SMURF1: variants seen among roughly 807,000 people sequenced by gnomAD.
SMURF1 encodes the protein E3 ubiquitin-protein ligase SMURF1.
A neutral mutation model predicts 98.0 loss-of-function variants in SMURF1; 44 were observed. The observed-to-expected ratio is 0.45, with a 90% CI of 0.35 to 0.58. The LOEUF is 0.58. Among genes scored for constraint, SMURF1 ranks in the 20% least tolerant of loss-of-function variants. The pLI, the probability that SMURF1 is intolerant of heterozygous loss-of-function variation, is 0.00. For synonymous variants in SMURF1, 396 were observed against 374.9 expected, an observed-to-expected ratio of 1.06 and a Z score of -0.65; for missense variants, 687 against 938.4, an observed-to-expected ratio of 0.73 and a Z score of 3.50.
intron 1 of SMURF1, among the ~76,000 whole-genome samples, chr7:99,104,157 G>A (rs77402635): frequency 0.066 from 10,020 of 152,182 alleles, 1,121 homozygotes; most frequent in African/African-American, 0.23. Context: ...AAAGTGCTGC[G>A]ATTATGGGCA....
Position 99,061,843 on chromosome 7 carries a change from A to G in SMURF1, c.56-6T>C. 1 of 1,599,954 alleles carries G rather than the reference A, an allele frequency of 6.3e-7. No individual in the cohort carries two copies. Among genetic ancestry groups the G allele is most frequent in the Non-Finnish European group, 8.5e-7 (1 of 1,173,462 alleles). Reference sequence around the variant, plus strand: ...AAGGTTCTTGGCACATAACACTAAAAACAAAGAAAAATTACTCAGGTTAGC... The same window carrying G: ...AAGGTTCTTGGCACATAACACTAAAGACAAAGAAAAATTACTCAGGTTAGC... On this transcript the variant is annotated splice_region_variant and splice_polypyrimidine_tract_variant and intron_variant, in intron 1 of 17. Transcript: ENST00000361368.
chr7:99,038,009 C>T (rs1273184783), intron 14 of SMURF1, among the ~76,000 whole-genome samples: 1 of 152,232 alleles, frequency 6.6e-6, no homozygotes, highest in Non-Finnish European at 1.5e-5. Flanking sequence ...TAGGCCTGAA[C>T]ACAGATCTGC....
chr7:99,129,157 T>C (rs1051068431), intron 1 of SMURF1, among the ~76,000 whole-genome samples: 5 of 152,240 alleles, frequency 3.3e-5, no homozygotes, highest in Admixed American at 6.5e-5. Context: ...TTTTTTCATA[T>C]GTTTTGAAAT....
intron 17 of SMURF1, chr7:99,031,548 T>G (rs1794890126): frequency 6.6e-6 from 1 of 152,250 alleles, no homozygotes. Context: ...CAGAGCATAC[T>G]TTCCACATCC....
At chr7:99,074,767 C>A (rs903628067) in intron 1 of SMURF1, among the ~76,000 whole-genome samples, 1 of 152,060 alleles carries the variant, frequency 6.6e-6, no homozygotes, top group African/African-American at 2.4e-5. Flanking sequence ...CAGCAGCTCA[C>A]AACTGTAATC....
chr7:99,097,385 A>C (rs1185088901), intron 1 of SMURF1, among the ~76,000 whole-genome samples: 4 of 152,200 alleles, frequency 2.6e-5, no homozygotes, highest in Non-Finnish European at 5.9e-5. Context: ...AAATGTTGGA[A>C]ACTTCATCTT....
intron 1 of SMURF1, among the ~76,000 whole-genome samples, chr7:99,103,353 G>A (rs1251694960): frequency 2.0e-5 from 3 of 151,970 alleles, no homozygotes; most frequent in African/African-American, 7.3e-5. Flanking sequence ...AGCAATTTCT[G>A]GAAAGTTATA....
At position 99,047,952 on chromosome 7, in the gene SMURF1, C is replaced by T. The variant is rs989068366; in HGVS notation, c.954-70G>A. The T allele has an allele frequency of 1.4e-4, 202 of 1,430,328 alleles. 1 individual carries two copies. The highest frequency in any genetic ancestry group is 1.9e-4 in the Non-Finnish European group (190 of 1,025,406). 88.6% of individuals were successfully genotyped at this position (1,430,328 alleles called of 1,614,324 possible). ...GGGGAGCTGCAAGCACCCACGTACG[C>T]GACAGGGTCAGAGGAGAGAGCTAGC... On this transcript the variant is annotated intron_variant, in intron 9 of 17. Transcript: ENST00000361368.
intron 1 of SMURF1, among the ~76,000 whole-genome samples, chr7:99,080,050 G>T (rs1024087122): frequency 3.4e-5 from 5 of 149,100 alleles, no homozygotes. Flanking sequence ...AAGAAAAAAG[G>T]CACAGATACC....
intron 1 of SMURF1, among the ~76,000 whole-genome samples, chr7:99,077,565 C>T (rs1403837523): frequency 1.3e-5 from 2 of 152,206 alleles, no homozygotes; most frequent in South Asian, 2.1e-4. Flanking sequence ...ATCTCTTGAC[C>T]TCATGATCCA....
intron 1 of SMURF1, among the ~76,000 whole-genome samples, chr7:99,069,964 T>G (rs1796281274): frequency 6.6e-6 from 1 of 152,248 alleles, no homozygotes; most frequent in African/African-American, 2.4e-5. Context: ...CCACCGGCCA[T>G]GCCTATTGGC....
At chr7:99,088,689 GTAGT>G (rs546819715) in intron 1 of SMURF1, among the ~76,000 whole-genome samples, 30 of 152,292 alleles carry the variant, frequency 2.0e-4, no homozygotes, top group African/African-American at 7.0e-4. Flanking sequence ...GGTTAGGAAG[GTAGT>G]TTGTTTGTTT....
At chr7:99,116,390 T>C (rs1012108300) in intron 1 of SMURF1, among the ~76,000 whole-genome samples, 1 of 152,106 alleles carries the variant, frequency 6.6e-6, no homozygotes, top group Non-Finnish European at 1.5e-5. Flanking sequence ...AATTGCCAAA[T>C]AAGGTATCTG....
chr7:99,111,149 A>T (rs1337782106), intron 1 of SMURF1, among the ~76,000 whole-genome samples: 1 of 152,228 alleles, frequency 6.6e-6, no homozygotes, highest in African/African-American at 2.4e-5. Context: ...GGTAATAACT[A>T]ATAAATAAAT....
intron 6 of SMURF1, among the ~76,000 whole-genome samples, chr7:99,053,647 A>G (rs1267952485): frequency 6.6e-6 from 1 of 152,056 alleles, no homozygotes; most frequent in African/African-American, 2.4e-5. Context: ...CCCATTCTGG[A>G]TGTTTGTTGA....
chr7:99,094,350 C>A (rs1341764738), intron 1 of SMURF1, among the ~76,000 whole-genome samples: 3 of 151,946 alleles, frequency 2.0e-5, no homozygotes, highest in African/African-American at 7.2e-5. Context: ...TTTTAAATAA[C>A]TCCACAGGTA....
chr7:99,040,766 G>C (rs576676330), intron 12 of SMURF1, among the ~76,000 whole-genome samples: 1 of 152,328 alleles, frequency 6.6e-6, no homozygotes, highest in East Asian at 1.9e-4. Flanking sequence ...CGTTTTGTAT[G>C]CTCTCAGGGC....
chr7:99,109,641 G>A (rs1339120080), intron 1 of SMURF1, among the ~76,000 whole-genome samples: 1 of 152,220 alleles, frequency 6.6e-6, no homozygotes, highest in Non-Finnish European at 1.5e-5. Context: ...GTCAGCCTTT[G>A]AACTCGTATA....
At chr7:99,057,899 T>C (rs879395116) in intron 3 of SMURF1, among the ~76,000 whole-genome samples, 1 of 152,004 alleles carries the variant, frequency 6.6e-6, no homozygotes, top group African/African-American at 2.4e-5. Flanking sequence ...GCCCAGCTTT[T>C]AATTGTATTT....
Sources: allele counts gnomAD v4.1 joint callset (sites outside exome capture counted in the v4.1 genomes callset), GRCh38; gene constraint gnomAD v4.1.1; transcripts MANE v1.5; gene names NCBI Gene and HGNC (gene_info 2026-07-23, HGNC 2026-07-21).